TRPM2: variants seen among roughly 807,000 people sequenced by gnomAD.
The protein encoded by TRPM2 is estrogen-responsive element-associated gene 1 protein.
TRPM2 carries 161 observed loss-of-function variants against 174.0 expected under a neutral mutation model. That is an observed-to-expected ratio of 0.93 (90% confidence interval 0.81 to 1.05). The LOEUF (loss-of-function observed/expected upper bound fraction) is 1.05, where lower values mean the gene tolerates loss of function less well. Among genes scored for constraint, TRPM2 ranks in the 50% least tolerant of loss-of-function variants. The probability of loss-of-function intolerance (pLI) is 0.00; values close to 1 mark genes in which losing one functional copy is unlikely to be tolerated. For synonymous variants in TRPM2, 954 were observed against 861.3 expected (o/e 1.11, Z -1.88); for missense variants, 2,057 against 2,038.0 (o/e 1.01, Z -0.18).
intron 16 of TRPM2, among the ~76,000 whole-genome samples, chr21:44,404,694 G>C (rs2049802138): frequency 6.6e-6 from 1 of 152,166 alleles, no homozygotes; most frequent in Non-Finnish European, 1.5e-5. Flanking sequence ...TTGTGATGAT[G>C]ATAGTGGATA....
chr21:44,435,171 C>G lies in TRPM2; in HGVS notation c.4015C>G (p.Leu1339Val), dbSNP rs143573585. The change falls in exon 28 of 32, where the codon CTC becomes GTC. Residue 1339 changes from leucine to valine, a missense_variant. Leu to Val is a conservative substitution (Grantham distance 32). Transcript: ENST00000397928. ...GRTGLRGRGSLSCFGPNHTLY... is the reference protein window; with the variant it reads ...GRTGLRGRGSVSCFGPNHTLY... ...CACAGGACTGCGTGGGCGCGGGAGC[C>G]TCAGCTGCTTCGGACCCAACCACAC... The G allele has an allele frequency of 3.7e-6, 6 of 1,613,478 alleles. No individual in the cohort carries two copies. In the African/African-American group the frequency reaches 8.0e-5, roughly 22 times the overall value.
intron 5 of TRPM2, among the ~76,000 whole-genome samples, chr21:44,372,581 G>A (rs146036798): frequency 2.0e-5 from 3 of 152,302 alleles, no homozygotes; most frequent in African/African-American, 7.2e-5. Flanking sequence ...GAAGACTCTG[G>A]GTCTGATCCA....
chr21:44,404,867 C>T (rs138374013), intron 16 of TRPM2, among the ~76,000 whole-genome samples: 4,695 of 108,970 alleles, frequency 0.043, 83 homozygotes, highest in African/African-American at 0.1. Flanking sequence ...GTGACAGTGA[C>T]TGTGATGATA....
Position 44,366,671 on chromosome 21 carries a change from C to A in TRPM2, c.424-83C>A. On this transcript the variant is annotated intron_variant, in intron 3 of 31. Transcript: ENST00000397928. This position sits in a 1 kb window ranked among gnomAD's most constrained non-coding sequence, Gnocchi z 6.0. Reference sequence around the variant, plus strand: ...GTGCGGTGTCTGCCGCCCGCTGGGGCCTCTCTGCATGGCCTGTGTGGGTCG... The same window carrying A: ...GTGCGGTGTCTGCCGCCCGCTGGGGACTCTCTGCATGGCCTGTGTGGGTCG... 1 of 1,590,622 alleles carries A rather than the reference C, an allele frequency of 6.3e-7. No individual in the cohort carries two copies. Among genetic ancestry groups the A allele is most frequent in the Non-Finnish European group, 8.6e-7 (1 of 1,165,144 alleles).
chr21:44,436,426 G>A (rs929149966), intron 28 of TRPM2, among the ~76,000 whole-genome samples: 9 of 152,148 alleles, frequency 5.9e-5, no homozygotes, highest in East Asian at 1.9e-4. Flanking sequence ...CCTGGGGTGC[G>A]AGTCACTCTC....
At chr21:44,440,058 C>T (rs1301681941) in intron 30 of TRPM2, among the ~76,000 whole-genome samples, 5 of 146,988 alleles carry the variant, frequency 3.4e-5, no homozygotes, top group Non-Finnish European at 6.0e-5. Context: ...CTACACGGGC[C>T]GGGTGCGCTG....
chr21:44,439,638 T>C lies in TRPM2; in HGVS notation c.4269+470T>C, dbSNP rs555030525. Among the ~76,000 whole-genome samples the C allele has an allele frequency of 1.2e-4, 18 of 152,336 alleles. No individual in the cohort carries two copies. Among genetic ancestry groups the C allele is most frequent in the African/African-American group, 4.3e-4 (18 of 41,580 alleles). On this transcript the variant is annotated intron_variant, in intron 30 of 31. Transcript: ENST00000397928. The surrounding 1 kb of genome is among the most constrained non-coding windows in gnomAD (Gnocchi z 5.1). ...CTGGGGACCGACTGTACCAGGACTT[T>C]TTATTTACTTCTTTAGAAACCTCGA...
intron 11 of TRPM2, among the ~76,000 whole-genome samples, chr21:44,394,652 C>T (rs936753601): frequency 2.0e-5 from 3 of 151,706 alleles, no homozygotes; most frequent in Admixed American, 6.6e-5. Flanking sequence ...TCACAATCTG[C>T]GCTTCTTAAG....
intron 27 of TRPM2, among the ~76,000 whole-genome samples, chr21:44,433,565 G>A (rs777934652): frequency 1.3e-5 from 2 of 152,208 alleles, no homozygotes; most frequent in Non-Finnish European, 2.9e-5. Context: ...GTTGAGGGGA[G>A]GCAGCAGTGA....
intron 28 of TRPM2, 147 bp downstream of exon 28, chr21:44,435,364 C>A: frequency 5.2e-6 from 4 of 774,148 alleles, no homozygotes; most frequent in South Asian, 3.7e-5. Flanking sequence ...ATGCGGGAGG[C>A]GTCTGTGGAT....
Position 44,375,832 on chromosome 21 carries a change from G to A in TRPM2, c.772-1G>A. ...TGTCTGACGCTTCCTGGCCATCCCA[G>A]GGCAGCTTCCCCGCCGAGTACATAC... On this transcript the variant is annotated splice_acceptor_variant, in intron 5 of 31. Coordinates refer to ENST00000397928, the MANE Select transcript of TRPM2 (RefSeq NM_003307.4). LOFTEE classifies it high-confidence loss of function. The A allele has an allele frequency of 1.9e-6, 3 of 1,610,178 alleles. No homozygotes were observed. Among genetic ancestry groups the A allele is most frequent in the Non-Finnish European group, 1.7e-6 (2 of 1,177,106 alleles).
intron 27 of TRPM2, among the ~76,000 whole-genome samples, chr21:44,429,534 G>T (rs934266205): frequency 8.6e-5 from 13 of 151,726 alleles, no homozygotes; most frequent in Non-Finnish European, 5.9e-5. Flanking sequence ...TGATCCACTC[G>T]CCTCAGCCTC....
Position 44,399,529 on chromosome 21 carries a change from C to T in TRPM2, c.2208+88C>T, listed in dbSNP as rs2049543356. 1.3e-6 allele frequency: 2 copies of T among 1,505,066 alleles called. No homozygotes were observed. Among genetic ancestry groups the T allele is most frequent in the East Asian group, 4.7e-5 (2 of 42,560 alleles). 93.2% of individuals were successfully genotyped at this position (1,505,066 alleles called of 1,614,324 possible). ...CTCCTGTTCGTGCAGTTGGCACGCA[C>T]ACTCACACAGGCTTCAGGGCCCTCA... On this transcript the variant is annotated intron_variant, in intron 14 of 31. Coordinates refer to ENST00000397928, the MANE Select transcript of TRPM2 (RefSeq NM_003307.4). This position sits in a 1 kb window ranked among gnomAD's most constrained non-coding sequence, Gnocchi z 4.6.
At position 44,399,815 on chromosome 21, in the gene TRPM2, A is replaced by G. The variant is rs995031548; in HGVS notation, c.2208+374A>G. Among the ~76,000 whole-genome samples, 3 of 152,094 alleles carry G rather than the reference A, an allele frequency of 2.0e-5. No individual in the cohort carries two copies. The highest frequency in any genetic ancestry group is 7.2e-5 in the African/African-American group (3 of 41,426). Reference sequence around the variant, plus strand: ...CCTGGAGCAGCAGGGGCTCCCAGGCATGGCTGCCCTCAGCATCGCCCTGGA... The same window carrying G: ...CCTGGAGCAGCAGGGGCTCCCAGGCGTGGCTGCCCTCAGCATCGCCCTGGA... On this transcript the variant is annotated intron_variant, in intron 14 of 31. Transcript: ENST00000397928. This position sits in a 1 kb window ranked among gnomAD's most constrained non-coding sequence, Gnocchi z 4.6.
chr21:44,362,436 T>C (rs1394886112), intron 2 of TRPM2, among the ~76,000 whole-genome samples: 3 of 149,178 alleles, frequency 2.0e-5, no homozygotes, highest in Non-Finnish European at 4.4e-5. Flanking sequence ...GGCGTGAACC[T>C]GGGAGGCGGA....
At chr21:44,402,405 C>T (rs1280973278) in intron 16 of TRPM2, among the ~76,000 whole-genome samples, 1 of 152,198 alleles carries the variant, frequency 6.6e-6, no homozygotes, top group African/African-American at 2.4e-5. Context: ...CCAGTCCCTC[C>T]CTGTGGAGGT....
intron 22 of TRPM2, among the ~76,000 whole-genome samples, chr21:44,421,148 T>C (rs1017680380): frequency 2.6e-5 from 4 of 152,104 alleles, no homozygotes; most frequent in Non-Finnish European, 5.9e-5. Flanking sequence ...TGAAACCTCA[T>C]CTCTACTAAA....
chr21:44,392,331 C>CG (rs955386570), intron 11 of TRPM2, among the ~76,000 whole-genome samples: 6 of 151,926 alleles, frequency 3.9e-5, no homozygotes, highest in Admixed American at 2.0e-4. Context: ...AATCATGGCT[C>CG]ACCGTACCTT....
intron 24 of TRPM2, chr21:44,425,468 G>A (rs1466944347): frequency 4.1e-5 from 21 of 516,272 alleles, no homozygotes; most frequent in South Asian, 1.3e-4. Flanking sequence ...CGGCGGGGAC[G>A]CTGCCTGAGC....
Sources: gnomAD v4.1 joint callset for allele counts (sites outside exome capture counted in the v4.1 genomes callset) on GRCh38, gnomAD v4.1.1 for gene constraint, Gnocchi (gnomAD v3.1) non-coding constraint, MANE v1.5 for transcripts, NCBI Gene and HGNC (gene_info 2026-07-23, HGNC 2026-07-21) for gene names.